The following GALNTL6 variants were observed in gnomAD, a reference collection of about 807,000 sequenced individuals.
GALNTL6 encodes polypeptide N-acetylgalactosaminyltransferase-like 6.
In GALNTL6, 46 loss-of-function variants were observed where a neutral mutation model predicts 73.7. The observed-to-expected ratio is 0.62, with a 90% CI of 0.49 to 0.80. The LOEUF is 0.80. Among genes scored for constraint, GALNTL6 ranks in the 30% least tolerant of loss-of-function variants. The pLI is 0.00. For missense variants in GALNTL6, 604 were observed against 755.0 expected (o/e 0.80, Z 2.34); for synonymous variants, 259 against 263.7 (o/e 0.98, Z 0.17).
In GALNTL6 at chr4:172,069,582, A is replaced by ATGACACATATATG. The variant is rs1451907472; in HGVS notation, c.139-160073_139-160072insGACACATATATGT. On this transcript the variant is annotated intron_variant, in intron 2 of 12. Coordinates refer to ENST00000506823, the MANE Select transcript of GALNTL6 (RefSeq NM_001034845.3). ...TATATATAACACATATATGTTATATATTATATATATAACACATATATGTTA... is the reference window on the plus strand; with the variant it reads ...TATATATAACACATATATGTTATATATGACACATATATGTTATATATATAACACATATATGTTA... Among the ~76,000 whole-genome samples the ATGACACATATATG allele has an allele frequency of 2.4e-4, 5 of 21,014 alleles. 2 individuals are homozygous for ATGACACATATATG. Among genetic ancestry groups the ATGACACATATATG allele is most frequent in the Non-Finnish European group, 6.1e-4 (3 of 4,956 alleles). 13.8% of individuals were successfully genotyped at this position (21,014 alleles called of 152,430 possible). A position where few individuals can be genotyped will look rare whatever the true frequency, so the allele number is the denominator to read the frequency against.
At chr4:172,947,960 C>A (rs1468200619) in intron 9 of GALNTL6, among the ~76,000 whole-genome samples, 1 of 152,158 alleles carries the variant, frequency 6.6e-6, no homozygotes, top group African/African-American at 2.4e-5. Context: ...AGCTGTGGTA[C>A]CAATGTTTTC....
At chr4:172,551,499 A>C (rs1735953517) in intron 5 of GALNTL6, among the ~76,000 whole-genome samples, 1 of 152,150 alleles carries the variant, frequency 6.6e-6, no homozygotes, top group Admixed American at 6.5e-5. Flanking sequence ...CTTTCTGTCC[A>C]TTTGATCTTT....
At chr4:172,424,710 G>A (rs1404044501) in intron 5 of GALNTL6, among the ~76,000 whole-genome samples, 1 of 151,988 alleles carries the variant, frequency 6.6e-6, no homozygotes, top group South Asian at 2.1e-4. Context: ...TGGCAGAGAA[G>A]CAAAGAAAGG....
At chr4:172,013,183 G>A (rs943681413) in intron 2 of GALNTL6, among the ~76,000 whole-genome samples, 3 of 151,888 alleles carry the variant, frequency 2.0e-5, no homozygotes, top group Admixed American at 1.3e-4. Context: ...TGTTGGAAAC[G>A]TTCAAAGTCC....
chr4:172,723,800 G>A lies in GALNTL6; in HGVS notation c.554-85561G>A, dbSNP rs560194170. On this transcript the variant is annotated intron_variant, in intron 5 of 12. Coordinates refer to ENST00000506823, the MANE Select transcript of GALNTL6 (RefSeq NM_001034845.3). ...ATCCATTCACTTTAGGTATCAAAGA[G>A]TGAAGTGGTGGTTTAATATTCTTTT... Among the ~76,000 whole-genome samples, 119 of 152,242 alleles carry A rather than the reference G, an allele frequency of 7.8e-4. 1 individual carries two copies. The South Asian group carries it at 0.016, about 20-fold the overall frequency.
chr4:172,656,964 G>A (rs1374795730), intron 5 of GALNTL6, among the ~76,000 whole-genome samples: 1 of 152,122 alleles, frequency 6.6e-6, no homozygotes, highest in African/African-American at 2.4e-5. Context: ...TGAGCACAGG[G>A]TAGGGAATTT....
chr4:172,092,168 A>T (rs573210265), intron 2 of GALNTL6, among the ~76,000 whole-genome samples: 1 of 152,306 alleles, frequency 6.6e-6, no homozygotes, highest in African/African-American at 2.4e-5. Context: ...TAACGCAATT[A>T]CTTATGGACA....
At chr4:171,882,484 G>A (rs1336223152) in intron 2 of GALNTL6, among the ~76,000 whole-genome samples, 1 of 152,216 alleles carries the variant, frequency 6.6e-6, no homozygotes, top group African/African-American at 2.4e-5. Context: ...AAGTTGAGGA[G>A]CAAGGAAGCC....
intron 11 of GALNTL6, among the ~76,000 whole-genome samples, chr4:173,009,583 T>C (rs1752454582): frequency 6.6e-6 from 1 of 152,238 alleles, no homozygotes; most frequent in Non-Finnish European, 1.5e-5. Flanking sequence ...GTCTTACTTC[T>C]TTTCCCAGAA....
chr4:172,428,749 C>G (rs1316548910), intron 5 of GALNTL6, among the ~76,000 whole-genome samples: 1 of 152,138 alleles, frequency 6.6e-6, no homozygotes, highest in Non-Finnish European at 1.5e-5. Context: ...ACCAAAGAAT[C>G]AAAATTCTGC....
chr4:172,196,278 T>C (rs1483798636), intron 2 of GALNTL6, among the ~76,000 whole-genome samples: 3 of 152,052 alleles, frequency 2.0e-5, no homozygotes, highest in African/African-American at 7.2e-5. Flanking sequence ...AGACCAATAA[T>C]GAATTCTGAA....
At chr4:172,855,196 GAA>G (rs3087060) in intron 7 of GALNTL6, among the ~76,000 whole-genome samples, 5 of 138,888 alleles carry the variant, frequency 3.6e-5, no homozygotes, top group Non-Finnish European at 7.7e-5. Context: ...ACTTTGAGGT[GAA>G]AAAAAAAAAA....
chr4:172,754,328 T>C (rs1737614646), intron 5 of GALNTL6, among the ~76,000 whole-genome samples: 2 of 152,180 alleles, frequency 1.3e-5, no homozygotes, highest in Non-Finnish European at 2.9e-5. Flanking sequence ...CCTAGCACTT[T>C]GGAAGGCCAA....
chr4:172,596,501 C>T (rs959429060), intron 5 of GALNTL6, among the ~76,000 whole-genome samples: 1 of 150,342 alleles, frequency 6.7e-6, no homozygotes, highest in African/African-American at 2.4e-5. Context: ...AGGGGTTTCA[C>T]CCAAAAGAAT....
chr4:172,705,444 A>AT (rs990453175), intron 5 of GALNTL6, among the ~76,000 whole-genome samples: 85 of 118,894 alleles, frequency 7.1e-4, no homozygotes, highest in African/African-American at 2.8e-3. Context: ...AAAACAATAA[A>AT]TTTAAAAAAA....
At chr4:171,995,220 A>G (rs1740452115) in intron 2 of GALNTL6, among the ~76,000 whole-genome samples, 2 of 152,144 alleles carry the variant, frequency 1.3e-5, no homozygotes, top group South Asian at 2.1e-4. Flanking sequence ...AATAGAAAGA[A>G]TATCAACCAT....
At chr4:172,374,885 A>G (rs940120222) in intron 5 of GALNTL6, among the ~76,000 whole-genome samples, 3 of 152,174 alleles carry the variant, frequency 2.0e-5, no homozygotes, top group East Asian at 1.9e-4. Flanking sequence ...TAGGATATCT[A>G]TGTACCTATC....
At chr4:172,288,462 G>T (rs1347068242) in intron 3 of GALNTL6, among the ~76,000 whole-genome samples, 1 of 152,084 alleles carries the variant, frequency 6.6e-6, no homozygotes, top group East Asian at 1.9e-4. Context: ...AAACTAATTG[G>T]TGTGTTTTCT....
Position 171,813,502 on chromosome 4 carries a change from C to G in GALNTL6, c.-658C>G, listed in dbSNP as rs1243226005. The G allele has an allele frequency of 6.6e-6, 1 of 152,462 alleles. No individual in the cohort carries two copies. The highest frequency in any genetic ancestry group is 1.5e-5 in the Non-Finnish European group (1 of 68,210). 9.4% of individuals were successfully genotyped at this position (152,462 alleles called of 1,614,324 possible). On this transcript the variant is annotated 5_prime_UTR_variant, in exon 1 of 13. Coordinates refer to ENST00000506823, the MANE Select transcript of GALNTL6 (RefSeq NM_001034845.3). This position sits in a 1 kb window ranked among gnomAD's most constrained non-coding sequence, Gnocchi z 5.2. The stretch of plus-strand genomic sequence containing the variant: ...CGCATCTCCGCCTTCCGCTCCTCCT[C>G]GCAGCGCCCTCGTCCGCTTCCAAGC...
Sources: allele counts gnomAD v4.1 joint callset (sites outside exome capture counted in the v4.1 genomes callset), GRCh38; gene constraint gnomAD v4.1.1; non-coding constraint Gnocchi (gnomAD v3.1); transcripts MANE v1.5; gene names NCBI Gene and HGNC (gene_info 2026-07-23, HGNC 2026-07-21).